KIF1A: variants seen among roughly 807,000 people sequenced by gnomAD.
KIF1A encodes kinesin family member 1A.
In KIF1A, 46 loss-of-function variants were observed where a neutral mutation model predicts 227.3. The ratio of observed to expected loss-of-function variants is 0.20; its 90% CI spans 0.16 to 0.26. The LOEUF (loss-of-function observed/expected upper bound fraction) is 0.26, where lower values mean the gene tolerates loss of function less well. KIF1A is among the 10% of genes least tolerant of loss of function. The pLI is 1.00. For missense variants in KIF1A, 1,683 were observed against 2,485.9 expected, an observed-to-expected ratio of 0.68 and a Z score of 6.87; for synonymous variants, 1,022 against 1,012.8, an observed-to-expected ratio of 1.01 and a Z score of -0.17.
At chr2:240,812,957 GGATCCA>G (rs2058039172) in intron 1 of KIF1A, among the ~76,000 whole-genome samples, 345 of 133,640 alleles carry the variant, frequency 2.6e-3, no homozygotes, top group African/African-American at 7.2e-3. Context: ...TTCACCTCAA[GGATCCA>G]CCTTCACCTC....
chr2:240,742,452 C>G (rs1394716407), intron 34 of KIF1A, among the ~76,000 whole-genome samples: 1 of 152,220 alleles, frequency 6.6e-6, no homozygotes, highest in Non-Finnish European at 1.5e-5. Context: ...AACTAAAAGC[C>G]AGTGGATCTC....
chr2:240,785,249 G>C, intron 6 of KIF1A, 149 bp from the exon 7 acceptor site: 2 of 654,286 alleles, frequency 3.1e-6, no homozygotes, highest in Non-Finnish European at 5.3e-6. Flanking sequence ...CACTGATGGC[G>C]CCTCCTGCCA....
intron 1 of KIF1A, among the ~76,000 whole-genome samples, chr2:240,811,209 A>C (rs1297670151): frequency 2.0e-5 from 3 of 152,070 alleles, no homozygotes; most frequent in African/African-American, 7.2e-5. Flanking sequence ...TACTAAAAAT[A>C]CAAAAATTAG....
At chr2:240,722,431 T>G (rs1465639506) in intron 43 of KIF1A, 25 bp downstream of exon 43, 18 of 1,543,424 alleles carry the variant, frequency 1.2e-5, no homozygotes, top group African/African-American at 2.7e-5. Flanking sequence ...GGGCTACGGC[T>G]GTACTGCCCA....
Position 240,766,866 on chromosome 2 carries a change from T to C in KIF1A, c.1684+49A>G. ...GGGTGACCTCATTCAGGCCTGATCATCACGGCACAGGGGCATGGGTGCGGG... is the reference window on the plus strand; with the variant it reads ...GGGTGACCTCATTCAGGCCTGATCACCACGGCACAGGGGCATGGGTGCGGG... On this transcript the variant is annotated intron_variant, in intron 19 of 48. Transcript: ENST00000498729. This position sits in a 1 kb window ranked among gnomAD's most constrained non-coding sequence, Gnocchi z 5.0. 1 of 1,349,492 alleles carries C rather than the reference T, an allele frequency of 7.4e-7. No individual in the cohort carries two copies. The highest frequency in any genetic ancestry group is 1.3e-5 in the South Asian group (1 of 79,578). 83.6% of individuals were successfully genotyped at this position (1,349,492 alleles called of 1,614,324 possible).
chr2:240,782,236 T>C (rs1270531498), intron 10 of KIF1A: 1 of 978,234 alleles, frequency 1.0e-6, no homozygotes, highest in Non-Finnish European at 1.2e-6. Flanking sequence ...GTCACCCGCT[T>C]CCTCTCAGGG....
At chr2:240,779,123 G>C (rs2053191632) in intron 10 of KIF1A, among the ~76,000 whole-genome samples, 1 of 140,592 alleles carries the variant, frequency 7.1e-6, no homozygotes, top group Admixed American at 7.1e-5. Flanking sequence ...GTTCCTCATA[G>C]TTCCACACTC....
In KIF1A at chr2:240,785,887, A is replaced by G. The variant is rs543381793; in HGVS notation, c.608+448T>C. On this transcript the variant is annotated intron_variant, in intron 6 of 48. Coordinates refer to ENST00000498729, the MANE Select transcript of KIF1A (RefSeq NM_001244008.2). ...AGTCTGTTGCCATGACAACCAGGGC[A>G]TCCCAGGCAGGAGGCCCAGGGCAGC... Among the ~76,000 whole-genome samples the G allele has an allele frequency of 7.8e-4, 118 of 152,254 alleles. 1 individual carries two copies. The highest frequency in any genetic ancestry group is 2.7e-3 in the African/African-American group (112 of 41,552).
chr2:240,774,985 C>T (rs567251685), intron 11 of KIF1A, among the ~76,000 whole-genome samples: 318 of 152,314 alleles, frequency 2.1e-3, no homozygotes, highest in African/African-American at 7.5e-3. Context: ...ACATACCACA[C>T]GGGCCCCAGG....
intron 25 of KIF1A, among the ~76,000 whole-genome samples, chr2:240,760,309 C>T (rs1170753924): frequency 3.9e-5 from 6 of 152,370 alleles, no homozygotes; most frequent in East Asian, 1.9e-4. Flanking sequence ...CTGCTGTACC[C>T]GCTCTTGGCG....
intron 45 of KIF1A, 164 bp from the exon 46 acceptor site, chr2:240,720,090 C>T (rs1226766863): frequency 1.7e-6 from 1 of 573,540 alleles, no homozygotes; most frequent in Non-Finnish European, 2.7e-6. Flanking sequence ...GCCCGTCCAC[C>T]AGGATAGCCA....
chr2:240,729,005 C>T (rs2046324369), intron 38 of KIF1A, among the ~76,000 whole-genome samples: 1 of 152,212 alleles, frequency 6.6e-6, no homozygotes, highest in Non-Finnish European at 1.5e-5. Flanking sequence ...CTATCTGGTA[C>T]ACGTCAGCAT....
In KIF1A at chr2:240,765,806, T is replaced by C. The variant is rs575193535; in HGVS notation, c.1685-13A>G. The C allele has an allele frequency of 4.6e-5, 74 of 1,608,124 alleles. 1 individual carries two copies. In the Admixed American group the frequency reaches 9.0e-4, roughly 20 times the overall value. On this transcript the variant is annotated splice_polypyrimidine_tract_variant and intron_variant, in intron 19 of 48. Transcript: ENST00000498729. ...AAGGTCACCACAGCTACAGGAAAGG[T>C]GGGAGGGGCAGAGAGGAGGACTATG... is the stretch of plus-strand genomic sequence containing the variant.
At position 240,748,804 on chromosome 2, in the gene KIF1A, T is replaced by C. The variant is rs188668990; in HGVS notation, c.2978-1483A>G. ...CCAGTGGGAGGTGCTATAAACAGCA[T>C]TTAGAAATTATGGGCTAGGCTGGGC... On this transcript the variant is annotated intron_variant, in intron 28 of 48. Coordinates refer to ENST00000498729, the MANE Select transcript of KIF1A (RefSeq NM_001244008.2). 5.8e-4 allele frequency: 110 copies of C among 189,142 alleles called. 1 individual carries two copies. Among genetic ancestry groups the C allele is most frequent in the Non-Finnish European group, 1.1e-3 (82 of 77,996 alleles). The allele number at this position is 189,142 out of a possible 1,614,324, so 11.7% of individuals were successfully genotyped here.
At chr2:240,769,476 T>C (rs2051646112) in intron 16 of KIF1A, 151 bp downstream of exon 16, 1 of 675,642 alleles carries the variant, frequency 1.5e-6, no homozygotes, top group South Asian at 1.9e-5. Flanking sequence ...TCATTGGCGA[T>C]GAGGGAACAG....
rs538662606 is a variant in KIF1A at position 240,789,503 on chromosome 2, C to T, written c.107-191G>A. On this transcript the variant is annotated intron_variant, in intron 2 of 48. Transcript: ENST00000498729. The surrounding 1 kb of genome is among the most constrained non-coding windows in gnomAD (Gnocchi z 4.8). ...GTCTCTGCCCCCTCCTTATGGTGGA[C>T]GCTGCCACCCATGGATGTCCAAGGG... Among the ~76,000 whole-genome samples the T allele has an allele frequency of 3.3e-5, 5 of 152,306 alleles. No homozygotes were observed. The highest frequency in any genetic ancestry group is 1.9e-4 in the East Asian group (1 of 5,174).
In KIF1A at chr2:240,736,969, A is replaced by G; in HGVS notation, c.4007+94T>C. On this transcript the variant is annotated intron_variant, in intron 38 of 48. Transcript: ENST00000498729. This position sits in a 1 kb window ranked among gnomAD's most constrained non-coding sequence, Gnocchi z 4.7. ...GGGCCGGGAGAGCGTTGAGCGGGTC[A>G]CCTTGTGTGGCTGAACCCTGTGCCG... 1 of 1,020,334 alleles carries G rather than the reference A, an allele frequency of 9.8e-7. No individual in the cohort carries two copies. The highest frequency in any genetic ancestry group is 1.5e-6 in the Non-Finnish European group (1 of 649,020). 63.2% of individuals were successfully genotyped at this position (1,020,334 alleles called of 1,614,324 possible). A position where few individuals can be genotyped will look rare whatever the true frequency, so the allele number is the denominator to read the frequency against.
At position 240,722,156 on chromosome 2, in the gene KIF1A, C is replaced by T. The variant is rs74882224; in HGVS notation, c.4666-272G>A. ...GAGGCGCAGGAAGCCTTCCCAGAGG[C>T]CCGTTCAGCCGCCAAAAGAGCCACT... On this transcript the variant is annotated intron_variant, in intron 43 of 48. Coordinates refer to ENST00000498729, the MANE Select transcript of KIF1A (RefSeq NM_001244008.2). Among the ~76,000 whole-genome samples the T allele has an allele frequency of 1.2e-3, 184 of 152,340 alleles. 3 individuals are homozygous for T. Among genetic ancestry groups the T allele is most frequent in the African/African-American group, 4.2e-3 (176 of 41,580 alleles).
chr2:240,765,634 T>C, intron 20 of KIF1A, 76 bp downstream of exon 20: 1 of 1,180,426 alleles, frequency 8.5e-7, no homozygotes, highest in Non-Finnish European at 1.2e-6. Context: ...CAGGAGGCGG[T>C]GGCTTGGACA....
Sources: allele counts gnomAD v4.1 joint callset (sites outside exome capture counted in the v4.1 genomes callset), GRCh38; gene constraint gnomAD v4.1.1; non-coding constraint Gnocchi (gnomAD v3.1); transcripts MANE v1.5; gene names NCBI Gene and HGNC (gene_info 2026-07-23, HGNC 2026-07-21).